Variants in MSH3 observed in about 807,000 individuals in gnomAD.
MSH3 encodes the protein DNA mismatch repair protein Msh3.
In MSH3, 106 loss-of-function variants were observed where a neutral mutation model predicts 123.3. The ratio of observed to expected loss-of-function variants is 0.86; its 90% confidence interval spans 0.73 to 1.01. MSH3 has a LOEUF of 1.01. Ranked by LOEUF, MSH3 falls within the 50% of genes least tolerant of loss-of-function variation. The pLI is 0.00. For missense variants in MSH3, 1,459 were observed against 1,347.6 expected (o/e 1.08, Z -1.29); for synonymous variants, 515 against 481.4 (o/e 1.07, Z -0.91).
At chr5:80,655,113 G>C (rs1749233629) in intron 1 of MSH3, 149 bp downstream of exon 1, 1 of 531,372 alleles carries the variant, frequency 1.9e-6, no homozygotes, top group Non-Finnish European at 3.2e-6. Context: ...GAAGAGCCCA[G>C]CCGGGGCTAC....
intron 8 of MSH3, among the ~76,000 whole-genome samples, chr5:80,686,154 C>T (rs1214590787): frequency 6.6e-6 from 1 of 152,166 alleles, no homozygotes; most frequent in African/African-American, 2.4e-5. Context: ...GTGTATTCTG[C>T]AACCATTGAA....
intron 15 of MSH3, among the ~76,000 whole-genome samples, chr5:80,770,959 A>C (rs1385764767): frequency 2.6e-5 from 4 of 152,192 alleles, no homozygotes. Flanking sequence ...ATTAAAAATT[A>C]TTAGGAAGAT....
At chr5:80,820,410 T>C (rs1172224457) in intron 20 of MSH3, among the ~76,000 whole-genome samples, 3 of 152,196 alleles carry the variant, frequency 2.0e-5, no homozygotes, top group East Asian at 1.9e-4. Flanking sequence ...TTGGGTCCCA[T>C]TGGTTACAGT....
At chr5:80,740,243 T>A (rs1181574022) in intron 10 of MSH3, among the ~76,000 whole-genome samples, 1 of 152,238 alleles carries the variant, frequency 6.6e-6, no homozygotes, top group Non-Finnish European at 1.5e-5. Flanking sequence ...TAATTTTGTT[T>A]TGGATAGATA....
Position 80,864,899 on chromosome 5 carries a change from C to A in MSH3, c.3087C>A (p.His1029Gln), listed in dbSNP as rs765696344. ...ACTCACACCAGGTGGGGAATTACCA[C>A]ATGGGATTCTTGGTCAGTGAGGATG... is the stretch of plus-strand genomic sequence containing the variant. ...KNYSHQVGNYHMGFLVSEDES... is the reference protein window; with the variant it reads ...KNYSHQVGNYQMGFLVSEDES... Residue 1029 changes from histidine (H) to glutamine (Q), a missense_variant, in exon 22 of 24, where the codon CAC (histidine) becomes CAA (glutamine). Coordinates refer to ENST00000265081, the MANE Select transcript of MSH3 (RefSeq NM_002439.5). 6.2e-7 allele frequency: 1 copy of A among 1,613,812 alleles called. No homozygotes were observed. The highest frequency in any genetic ancestry group is 8.5e-7 in the Non-Finnish European group (1 of 1,179,738).
chr5:80,829,824 A>G (rs1312882911), intron 20 of MSH3, among the ~76,000 whole-genome samples: 1 of 152,160 alleles, frequency 6.6e-6, no homozygotes, highest in African/African-American at 2.4e-5. Flanking sequence ...TCTTCCTTAA[A>G]TGTTTGATAG....
intron 19 of MSH3, among the ~76,000 whole-genome samples, chr5:80,805,720 G>C (rs1320174939): frequency 6.7e-6 from 1 of 149,844 alleles, no homozygotes; most frequent in African/African-American, 2.5e-5. Flanking sequence ...TCAGCCTCCT[G>C]AGTAGCTGGA....
chr5:80,687,877 G>A (rs746879057), intron 8 of MSH3, among the ~76,000 whole-genome samples: 3 of 152,074 alleles, frequency 2.0e-5, no homozygotes, highest in African/African-American at 4.8e-5. Context: ...AGGAAAAAGC[G>A]GATACAGAGA....
rs148412550 is a variant in MSH3, at chr5:80,820,642, C to T, written c.2813+6901C>T. On this transcript the variant is annotated intron_variant, in intron 20 of 23. Transcript: ENST00000265081. ...TTTCTGGAATCTGAAGGAAACATCC[C>T]CTTGTGATTCAAACACCATCTAAAA... Among the ~76,000 whole-genome samples, 26 of 152,276 alleles carry T rather than the reference C, an allele frequency of 1.7e-4. No homozygotes were observed. The East Asian group carries it at 4.0e-3, about 24-fold the overall frequency.
At chr5:80,792,934 A>G (rs1047645290) in intron 19 of MSH3, 90 bp downstream of exon 19, 39 of 860,602 alleles carry the variant, frequency 4.5e-5, no homozygotes, top group South Asian at 3.5e-4. Context: ...AAGTTACCCA[A>G]ATTTCAACTT....
intron 19 of MSH3, among the ~76,000 whole-genome samples, chr5:80,809,037 C>T (rs1744956975): frequency 6.6e-6 from 1 of 151,332 alleles, no homozygotes; most frequent in African/African-American, 2.4e-5. Flanking sequence ...TCTTCTGTTT[C>T]AGTTAATTAG....
At chr5:80,807,398 G>C (rs1469453313) in intron 19 of MSH3, among the ~76,000 whole-genome samples, 1 of 152,126 alleles carries the variant, frequency 6.6e-6, no homozygotes, top group African/African-American at 2.4e-5. Context: ...TATGAACTAT[G>C]TGTTTAAGAA....
intron 13 of MSH3, among the ~76,000 whole-genome samples, chr5:80,764,975 G>A (rs1322248535): frequency 6.6e-6 from 1 of 152,090 alleles, no homozygotes; most frequent in Non-Finnish European, 1.5e-5. Context: ...CATACTTGTG[G>A]GTCTGTGCTC....
intron 8 of MSH3, among the ~76,000 whole-genome samples, chr5:80,706,362 A>G (rs1250004459): frequency 1.3e-5 from 2 of 152,182 alleles, no homozygotes; most frequent in African/African-American, 2.4e-5. Context: ...CATGAAAAAA[A>G]TGTTTGTGAT....
rs564215539 is a variant in MSH3, at chr5:80,675,772, T to C, written c.1173+644T>C. On this transcript the variant is annotated intron_variant, in intron 7 of 23. Coordinates refer to ENST00000265081, the MANE Select transcript of MSH3 (RefSeq NM_002439.5). ...ATTTTAAGGTTGAAGATAGACACAA[T>C]GGCAGACATATGTGTGGACAATGTA... 2.0e-5 allele frequency among the ~76,000 whole-genome samples: 3 copies of C among 152,288 alleles called. No individual in the cohort carries two copies. In the South Asian group the frequency reaches 6.2e-4, roughly 32 times the overall value.
chr5:80,699,576 AAAAAAG>A (rs1164745408), intron 8 of MSH3, among the ~76,000 whole-genome samples: 1 of 151,798 alleles, frequency 6.6e-6, no homozygotes, highest in Non-Finnish European at 1.5e-5. Flanking sequence ...AAAAAAAAAA[AAAAAAG>A]GTTGTTGGAG....
At chr5:80,844,341 AT>A (rs1745679512) in intron 20 of MSH3, among the ~76,000 whole-genome samples, 1 of 152,012 alleles carries the variant, frequency 6.6e-6, no homozygotes, top group Non-Finnish European at 1.5e-5. Flanking sequence ...TTTTAGAATA[AT>A]TGTGATGTGG....
At chr5:80,748,091 T>C (rs1468366941) in intron 12 of MSH3, among the ~76,000 whole-genome samples, 2 of 152,186 alleles carry the variant, frequency 1.3e-5, no homozygotes, top group Non-Finnish European at 2.9e-5. Context: ...TACAGTGAGA[T>C]CGTAGAACAA....
chr5:80,661,989 A>G (rs1749444141), intron 2 of MSH3, among the ~76,000 whole-genome samples: 1 of 152,228 alleles, frequency 6.6e-6, no homozygotes, highest in Non-Finnish European at 1.5e-5. Context: ...GTATTTCCAC[A>G]ATACAGAGAC....
Sources: gnomAD v4.1 joint callset for allele counts (sites outside exome capture counted in the v4.1 genomes callset) on GRCh38, gnomAD v4.1.1 for gene constraint, MANE v1.5 for transcripts, NCBI Gene and HGNC (gene_info 2026-07-23, HGNC 2026-07-21) for gene names.